LRRC4C: variants seen among roughly 807,000 people sequenced by gnomAD.
The protein encoded by LRRC4C is leucine rich repeat containing 4C, also known as leucine-rich repeat-containing protein 4C.
Under a neutral mutation model 33.6 loss-of-function variants are expected in LRRC4C, and 5 were observed. The observed-to-expected ratio is 0.15, with a 90% CI of 0.08 to 0.31. The LOEUF is 0.31. Ranked by LOEUF, LRRC4C falls within the 10% of genes least tolerant of loss-of-function variation. LRRC4C has a pLI of 1.00. For synonymous variants in LRRC4C, 329 were observed against 302.0 expected (o/e 1.09, Z -0.93); for missense variants, 560 against 796.7 (o/e 0.70, Z 3.58).
intron 1 of LRRC4C, chr11:41,122,848 GAAAAT>G (rs1353449919): frequency 2.0e-5 from 3 of 151,940 alleles, no homozygotes; most frequent in Non-Finnish European, 2.9e-5. Flanking sequence ...ATGGGTTTCA[GAAAAT>G]GATGCTTTTG....
rs796202799 is a variant in LRRC4C at position 40,686,910 on chromosome 11, G to C, written c.-406-38632C>G. On this transcript the variant is annotated intron_variant, in intron 2 of 6. Transcript: ENST00000528697. ...TAAAATCTTGCCACTTCAAGAGTAGGCCACAGACCAGTGGCAATCATATTA... is the reference window on the plus strand; with the variant it reads ...TAAAATCTTGCCACTTCAAGAGTAGCCCACAGACCAGTGGCAATCATATTA... Among the ~76,000 whole-genome samples, 65 of 151,982 alleles carry C rather than the reference G, an allele frequency of 4.3e-4. 1 individual carries two copies. The highest frequency in any genetic ancestry group is 1.5e-3 in the African/African-American group (64 of 41,472).
intron 5 of LRRC4C, among the ~76,000 whole-genome samples, chr11:40,143,563 C>T (rs1252891004): frequency 1.3e-5 from 2 of 152,118 alleles, no homozygotes; most frequent in Admixed American, 6.5e-5. Context: ...CCCAGACAGA[C>T]CTATACCTAC....
chr11:41,291,042 T>C (rs1211612594), intron 1 of LRRC4C, among the ~76,000 whole-genome samples: 1 of 152,158 alleles, frequency 6.6e-6, no homozygotes, highest in Non-Finnish European at 1.5e-5. Flanking sequence ...GATTCTAAAA[T>C]TAGAATTAAA....
chr11:41,387,101 G>T (rs1214375187), intron 1 of LRRC4C, among the ~76,000 whole-genome samples: 1 of 151,724 alleles, frequency 6.6e-6, no homozygotes, highest in Non-Finnish European at 1.5e-5. Context: ...ATGACTATAT[G>T]CAAAGCAGGC....
At chr11:40,990,599 T>C (rs928303910) in intron 1 of LRRC4C, among the ~76,000 whole-genome samples, 13 of 152,134 alleles carry the variant, frequency 8.5e-5, no homozygotes, top group Admixed American at 2.0e-4. Flanking sequence ...TAAAACTATA[T>C]TCATAATGAT....
intron 3 of LRRC4C, among the ~76,000 whole-genome samples, chr11:40,402,504 T>C (rs544421412): frequency 6.6e-6 from 1 of 152,240 alleles, no homozygotes; most frequent in African/African-American, 2.4e-5. Flanking sequence ...AGTTCAATTC[T>C]CCAGCTATTC....
At chr11:40,446,414 A>G (rs932439564) in intron 3 of LRRC4C, 2 of 152,278 alleles carry the variant, frequency 1.3e-5, no homozygotes, top group South Asian at 4.1e-4. Context: ...GATTTAAGAT[A>G]TAGTTTGTGC....
chr11:41,290,711 A>G (rs1180565550), intron 1 of LRRC4C, among the ~76,000 whole-genome samples: 1 of 152,174 alleles, frequency 6.6e-6, no homozygotes, highest in Non-Finnish European at 1.5e-5. Flanking sequence ...ATTCTACCCT[A>G]TTAGATTCCT....
chr11:40,302,522 C>G (rs539312165), intron 4 of LRRC4C, among the ~76,000 whole-genome samples: 2 of 152,120 alleles, frequency 1.3e-5, no homozygotes, highest in African/African-American at 4.8e-5. Flanking sequence ...GAGGCCCATC[C>G]TTCTTTTCTG....
chr11:41,094,628 T>G (rs1940688544), intron 1 of LRRC4C, among the ~76,000 whole-genome samples: 2 of 152,338 alleles, frequency 1.3e-5, no homozygotes, highest in Admixed American at 6.5e-5. Context: ...ATTTTATGTT[T>G]CTTCATAATA....
intron 2 of LRRC4C, among the ~76,000 whole-genome samples, chr11:40,911,429 C>A (rs376814036): frequency 1.8e-4 from 28 of 152,282 alleles, no homozygotes; most frequent in African/African-American, 6.3e-4. Flanking sequence ...GATACCCAGG[C>A]AAATGGGGTC....
intron 2 of LRRC4C, among the ~76,000 whole-genome samples, chr11:40,832,602 G>A (rs1952468232): frequency 6.6e-6 from 1 of 152,018 alleles, no homozygotes; most frequent in Admixed American, 6.6e-5. Flanking sequence ...GCCACAAATG[G>A]CAAGCAAATA....
At chr11:40,429,701 A>G (rs953041368) in intron 3 of LRRC4C, among the ~76,000 whole-genome samples, 6 of 152,186 alleles carry the variant, frequency 3.9e-5, no homozygotes, top group African/African-American at 1.4e-4. Context: ...TTTGAAATAC[A>G]TATTTAGAAA....
chr11:40,719,678 C>T lies in LRRC4C; in HGVS notation c.-406-71400G>A, dbSNP rs147069105. ...AACTGCCATGTTTTAATATTGCTCC[C>T]CATCCTCTCAGAGAAAATTATAAGG... On this transcript the variant is annotated intron_variant, in intron 2 of 6. Coordinates refer to ENST00000528697, the MANE Select transcript of LRRC4C (RefSeq NM_001258419.2). 2.0e-5 allele frequency among the ~76,000 whole-genome samples: 3 copies of T among 151,984 alleles called. No individual in the cohort carries two copies. The East Asian group carries it at 5.8e-4, about 29-fold the overall frequency.
chr11:41,011,809 AT>A (rs1269680814), intron 1 of LRRC4C, among the ~76,000 whole-genome samples: 2 of 144,296 alleles, frequency 1.4e-5, no homozygotes, highest in African/African-American at 5.1e-5. Flanking sequence ...TAAAAAAAAA[AT>A]CATTCTATGT....
chr11:40,375,808 G>C (rs548405857), intron 3 of LRRC4C, among the ~76,000 whole-genome samples: 10 of 152,184 alleles, frequency 6.6e-5, no homozygotes, highest in African/African-American at 2.4e-4. Flanking sequence ...AGGCTACCAC[G>C]GGAGTCACGT....
chr11:41,196,743 T>C (rs1946195825), intron 1 of LRRC4C, among the ~76,000 whole-genome samples: 1 of 152,018 alleles, frequency 6.6e-6, no homozygotes, highest in Admixed American at 6.6e-5. Flanking sequence ...ATACCCATCC[T>C]GCTTATGTGG....
chr11:40,407,030 T>C (rs1239918113), intron 3 of LRRC4C, among the ~76,000 whole-genome samples: 1 of 152,266 alleles, frequency 6.6e-6, no homozygotes, highest in East Asian at 1.9e-4. Context: ...ATTTTTTTTG[T>C]CCTGTCTTTT....
chr11:40,219,771 A>C (rs1185508069), intron 5 of LRRC4C, among the ~76,000 whole-genome samples: 2 of 152,142 alleles, frequency 1.3e-5, no homozygotes, highest in Non-Finnish European at 2.9e-5. Flanking sequence ...AGAGGATACA[A>C]AGTTGCAAAT....
Sources: allele counts gnomAD v4.1 joint callset (sites outside exome capture counted in the v4.1 genomes callset), GRCh38; gene constraint gnomAD v4.1.1; transcripts MANE v1.5; gene names NCBI Gene and HGNC (gene_info 2026-07-23, HGNC 2026-07-21).